Variants in SIRPB1 observed in about 807,000 individuals in gnomAD.
The protein encoded by SIRPB1 is signal regulatory protein beta 1.
SIRPB1 carries 28 observed loss-of-function variants against 34.1 expected under a neutral mutation model. That is an observed-to-expected ratio of 0.82 (90% CI 0.61 to 1.12). The LOEUF (loss-of-function observed/expected upper bound fraction) is 1.12, where lower values mean the gene tolerates loss of function less well. SIRPB1 is among the 50% of genes most tolerant of loss of function. The probability of loss-of-function intolerance (pLI) is 0.00; values close to 1 mark genes in which losing one functional copy is unlikely to be tolerated. For missense variants in SIRPB1, 499 were observed against 507.0 expected, an observed-to-expected ratio of 0.98 and a Z score of 0.15; for synonymous variants, 211 against 203.8, an observed-to-expected ratio of 1.04 and a Z score of -0.30.
chr20:1,571,936 T>C lies in SIRPB1; in HGVS notation c.535A>G (p.Ile179Val), dbSNP rs1360550985. ...CESHGFSPRD[I>V]TLKWFKNGNE... ...CCATTTTTGAACCATTTCAGGGTGATGTCTCTGGGAGAGAAGCCATGGGAC... is the reference window on the plus strand; with the variant it reads ...CCATTTTTGAACCATTTCAGGGTGACGTCTCTGGGAGAGAAGCCATGGGAC... The change falls in exon 3 of 6, where the codon ATC (isoleucine) becomes GTC (valine). Residue 179 changes from isoleucine (I) to valine (V), a missense_variant. By Grantham distance (29) the Ile-to-Val change is conservative (BLOSUM62 3). Coordinates refer to ENST00000381605, the MANE Select transcript of SIRPB1 (RefSeq NM_006065.5). The C allele has an allele frequency of 6.2e-7, 1 of 1,614,178 alleles. No homozygotes were observed. The highest frequency in any genetic ancestry group is 8.5e-7 in the Non-Finnish European group (1 of 1,180,020).
chr20:1,598,925 C>A, intron 1 of SIRPB1: 1 of 555,542 alleles, frequency 1.8e-6, no homozygotes, highest in Non-Finnish European at 2.4e-6. Flanking sequence ...GCAGCAGAAG[C>A]CAGTGCTGGG....
intron 4 of SIRPB1, among the ~76,000 whole-genome samples, chr20:1,567,532 C>T (rs1209569323): frequency 1.3e-5 from 2 of 152,208 alleles, no homozygotes; most frequent in African/African-American, 4.8e-5. Flanking sequence ...CCCAGAGAAA[C>T]TGTCCTTGGG....
intron 4 of SIRPB1, among the ~76,000 whole-genome samples, chr20:1,566,502 T>G (rs2091137978): frequency 1.3e-5 from 2 of 152,132 alleles, no homozygotes; most frequent in Non-Finnish European, 2.9e-5. Context: ...AGGGAAAAGG[T>G]GGAGAGAGTG....
chr20:1,616,789 TA>T (rs1195040218), intron 1 of SIRPB1, among the ~76,000 whole-genome samples: 3 of 152,184 alleles, frequency 2.0e-5, no homozygotes, highest in African/African-American at 7.2e-5. Flanking sequence ...AGATATTTGC[TA>T]GCCATGCATC....
chr20:1,593,351 C>T (rs1171316718), intron 1 of SIRPB1, among the ~76,000 whole-genome samples: 1 of 48,932 alleles, frequency 2.0e-5, no homozygotes, highest in Non-Finnish European at 3.9e-5. Flanking sequence ...TTACTAAAAA[C>T]GCATTATTTT....
rs1204468216 is a variant in SIRPB1, at chr20:1,597,482, G to A, written c.77-18788C>T. On this transcript the variant is annotated intron_variant, in intron 1 of 5. Coordinates refer to ENST00000381605, the MANE Select transcript of SIRPB1 (RefSeq NM_006065.5). The stretch of plus-strand genomic sequence containing the variant: ...GGAGTTGGCATAACATGGGGAGAGA[G>A]GAAGAGAAAAAGAGAAGAGGGAGCT... The A allele has an allele frequency of 4.2e-5, 2 of 48,006 alleles. 1 individual carries two copies. The highest frequency in any genetic ancestry group is 2.8e-4 in the African/African-American group (2 of 7,166). 3.0% of individuals were successfully genotyped at this position (48,006 alleles called of 1,614,324 possible).
Position 1,613,493 on chromosome 20 carries a change from A to G in SIRPB1, c.76+6376T>C, listed in dbSNP as rs371333914. Reference sequence around the variant, plus strand: ...TAAAGGAAATAACGGACCAAGAACTAAAGGAATATAAATGTCTTAACAAAA... The same window carrying G: ...TAAAGGAAATAACGGACCAAGAACTGAAGGAATATAAATGTCTTAACAAAA... On this transcript the variant is annotated intron_variant, in intron 1 of 5. Transcript: ENST00000381605. Among the ~76,000 whole-genome samples the G allele has an allele frequency of 1.4e-4, 20 of 146,290 alleles. No individual in the cohort carries two copies. The East Asian group carries it at 1.4e-3, about 10-fold the overall frequency.
In SIRPB1 at chr20:1,619,946, C is replaced by A. The variant is rs2091685723; in HGVS notation, c.-2G>T. 1 of 1,613,304 alleles carries A rather than the reference C, an allele frequency of 6.2e-7. No homozygotes were observed. Among genetic ancestry groups the A allele is most frequent in the Non-Finnish European group, 8.5e-7 (1 of 1,179,528 alleles). On this transcript the variant is annotated 5_prime_UTR_variant, in exon 1 of 6. Coordinates refer to ENST00000381605, the MANE Select transcript of SIRPB1 (RefSeq NM_006065.5). ...GGGCCAGGAGGCTGGCACGGGCATT[C>A]TGGAGACCTTAGGAGCCTGCTCTGT...
At chr20:1,573,725 G>T (rs1297847801) in intron 2 of SIRPB1, among the ~76,000 whole-genome samples, 1 of 146,982 alleles carries the variant, frequency 6.8e-6, no homozygotes, top group East Asian at 1.9e-4. Context: ...GTCAGAGGGG[G>T]TCCTCATGTG....
intron 4 of SIRPB1, among the ~76,000 whole-genome samples, chr20:1,567,495 A>G (rs954375816): frequency 4.6e-5 from 7 of 152,168 alleles, no homozygotes; most frequent in Non-Finnish European, 8.8e-5. Context: ...TGCCTCCTGC[A>G]TTGCTTTATG....
chr20:1,616,402 A>G (rs544683981), intron 1 of SIRPB1, among the ~76,000 whole-genome samples: 11 of 152,292 alleles, frequency 7.2e-5, no homozygotes, highest in Middle Eastern at 3.4e-3. Flanking sequence ...CCAGATATAA[A>G]CGCACACATT....
intron 4 of SIRPB1, among the ~76,000 whole-genome samples, chr20:1,569,475 T>A (rs1234981904): frequency 1.3e-5 from 2 of 152,246 alleles, no homozygotes; most frequent in Non-Finnish European, 2.9e-5. Context: ...GGTGCATGCG[T>A]GAGCAAGTTT....
intron 1 of SIRPB1, among the ~76,000 whole-genome samples, chr20:1,617,060 G>A (rs2091640343): frequency 6.6e-6 from 1 of 152,164 alleles, no homozygotes; most frequent in Non-Finnish European, 1.5e-5. Context: ...AGAGGATGTG[G>A]AGAAAAGGGA....
At chr20:1,566,333 A>G in intron 4 of SIRPB1, 66 bp from the exon 5 acceptor site, 1 of 954,026 alleles carries the variant, frequency 1.0e-6, no homozygotes, top group Non-Finnish European at 1.6e-6. Context: ...AGGGGCCTCC[A>G]CTTACCCCAT....
intron 1 of SIRPB1, among the ~76,000 whole-genome samples, chr20:1,612,077 C>T (rs2091575247): frequency 1.4e-5 from 1 of 71,798 alleles, no homozygotes; most frequent in Non-Finnish European, 2.6e-5. Flanking sequence ...TCACTCTAGC[C>T]TCAACCTCCC....
intron 2 of SIRPB1, among the ~76,000 whole-genome samples, chr20:1,577,343 G>T (rs2091327795): frequency 1.4e-5 from 2 of 147,548 alleles, no homozygotes; most frequent in Non-Finnish European, 3.0e-5. Context: ...TCACTAACTG[G>T]CCCTGTGACC....
At chr20:1,567,695 C>G (rs534694703) in intron 4 of SIRPB1, among the ~76,000 whole-genome samples, 6 of 152,308 alleles carry the variant, frequency 3.9e-5, no homozygotes, top group Admixed American at 2.0e-4. Context: ...TGGCACTAAA[C>G]TGGGATAGTG....
chr20:1,566,634 CAGG>C (rs996405773), intron 4 of SIRPB1, among the ~76,000 whole-genome samples: 2 of 152,126 alleles, frequency 1.3e-5, no homozygotes, highest in African/African-American at 4.8e-5. Context: ...TAGGGAGTGT[CAGG>C]AGATTAGTAG....
In SIRPB1 at chr20:1,604,247, T is replaced by A. The variant is rs3968295; in HGVS notation, c.76+15622A>T. On this transcript the variant is annotated intron_variant, in intron 1 of 5. Coordinates refer to ENST00000381605, the MANE Select transcript of SIRPB1 (RefSeq NM_006065.5). ...CACGGTGAGGGCATCACCAGGACAGTGCTAGGCATGCAGCAGGTGCTCAGA... is the reference window on the plus strand; with the variant it reads ...CACGGTGAGGGCATCACCAGGACAGAGCTAGGCATGCAGCAGGTGCTCAGA... The A allele has an allele frequency of 1.2e-5, 4 of 322,622 alleles. 2 individuals are homozygous for A. The highest frequency in any genetic ancestry group is 1.4e-4 in the East Asian group (2 of 14,310). The allele number at this position is 322,622 out of a possible 1,614,324, so 20.0% of individuals were successfully genotyped here. A position where few individuals can be genotyped will look rare whatever the true frequency, so the allele number is the denominator to read the frequency against.
Sources: allele counts gnomAD v4.1 joint callset (sites outside exome capture counted in the v4.1 genomes callset), GRCh38; gene constraint gnomAD v4.1.1; transcripts MANE v1.5; gene names NCBI Gene and HGNC (gene_info 2026-07-23, HGNC 2026-07-21).